The following SLC24A4 variants were observed in gnomAD, a reference collection of about 807,000 sequenced individuals.
SLC24A4 encodes sodium/potassium/calcium exchanger 4.
In SLC24A4, 53 loss-of-function variants were observed where a neutral mutation model predicts 79.0. The observed-to-expected ratio is 0.67, with a 90% confidence interval of 0.54 to 0.84. SLC24A4 has a LOEUF of 0.84. Among genes scored for constraint, SLC24A4 ranks in the 40% least tolerant of loss-of-function variants. SLC24A4 has a pLI of 0.00. For missense variants in SLC24A4, 731 were observed against 822.0 expected (o/e 0.89, Z 1.35); for synonymous variants, 323 against 323.8 (o/e 1.00, Z 0.03).
At chr14:92,426,961 G>C (rs1566758372) in intron 2 of SLC24A4, among the ~76,000 whole-genome samples, 1 of 152,236 alleles carries the variant, frequency 6.6e-6, no homozygotes, top group Non-Finnish European at 1.5e-5. Context: ...AGAAAGCAAA[G>C]AGAGAGTGGC....
At chr14:92,492,426 G>A (rs369576199) in intron 16 of SLC24A4, among the ~76,000 whole-genome samples, 186 bp downstream of exon 16, 101 of 152,300 alleles carry the variant, frequency 6.6e-4, no homozygotes, top group African/African-American at 2.2e-3. Context: ...TGGCACTCTC[G>A]CTGTGCTTTT....
chr14:92,376,153 T>G (rs979474516), intron 2 of SLC24A4, among the ~76,000 whole-genome samples: 1 of 152,230 alleles, frequency 6.6e-6, no homozygotes, highest in Non-Finnish European at 1.5e-5. Flanking sequence ...AGTGGCAGAA[T>G]GAGCTCTGGA....
chr14:92,373,110 C>A (rs1888292459), intron 2 of SLC24A4, among the ~76,000 whole-genome samples: 1 of 151,408 alleles, frequency 6.6e-6, no homozygotes, highest in South Asian at 2.1e-4. Flanking sequence ...CAAGCAATTC[C>A]TGCCTCAGCC....
At position 92,485,415 on chromosome 14, in the gene SLC24A4, T is replaced by C. The variant is rs1289736915; in HGVS notation, c.1423-1251T>C. 2.0e-5 allele frequency among the ~76,000 whole-genome samples: 3 copies of C among 151,736 alleles called. No homozygotes were observed. The East Asian group carries it at 5.8e-4, about 29-fold the overall frequency. ...GAGAGGTTGAGGCCACAGTGAGCCA[T>C]GGTCAATCCACTGCACTCCAGCCTG... On this transcript the variant is annotated intron_variant, in intron 13 of 16. Transcript: ENST00000532405.
intron 14 of SLC24A4, among the ~76,000 whole-genome samples, chr14:92,491,307 C>T (rs1003772650): frequency 6.6e-6 from 1 of 152,166 alleles, no homozygotes; most frequent in Non-Finnish European, 1.5e-5. Flanking sequence ...TGAACACTGG[C>T]ATGAGTTTAT....
At chr14:92,436,116 GGGATGGGGAGGCCTCA>G in intron 3 of SLC24A4, among the ~76,000 whole-genome samples, 1 of 152,184 alleles carries the variant, frequency 6.6e-6, no homozygotes, top group Admixed American at 6.5e-5. Flanking sequence ...CTCATGGATG[GGGATGGGGAGGCCTCA>G]GGAAATTTAC....
chr14:92,482,264 C>T (rs976468183), intron 12 of SLC24A4, among the ~76,000 whole-genome samples: 2 of 152,232 alleles, frequency 1.3e-5, no homozygotes, highest in Non-Finnish European at 1.5e-5. Context: ...TATTGCTGCC[C>T]TGTTGTTGTT....
chr14:92,476,119 G>A (rs528745764), intron 12 of SLC24A4, among the ~76,000 whole-genome samples: 5 of 152,262 alleles, frequency 3.3e-5, no homozygotes, highest in Admixed American at 6.5e-5. Context: ...CTACTGTGGC[G>A]TTTGTATATA....
chr14:92,434,109 G>A (rs548557103), intron 3 of SLC24A4, 121 bp downstream of exon 3: 18 of 779,458 alleles, frequency 2.3e-5, no homozygotes, highest in East Asian at 5.1e-5. Context: ...TGAGGAGAGC[G>A]GAGACTGGGC....
At chr14:92,403,606 TAA>T (rs78331584) in intron 2 of SLC24A4, among the ~76,000 whole-genome samples, 76 of 109,966 alleles carry the variant, frequency 6.9e-4, no homozygotes, top group Middle Eastern at 6.8e-3. Flanking sequence ...AGACTCCATC[TAA>T]AAAAAAAAAA....
chr14:92,450,171 G>T (rs983295284), intron 10 of SLC24A4: 1 of 152,332 alleles, frequency 6.6e-6, no homozygotes, highest in Non-Finnish European at 1.5e-5. Context: ...ATGGCCTGGG[G>T]CTAATCACCT....
At position 92,456,541 on chromosome 14, in the gene SLC24A4, G is replaced by T. The variant is rs754076513; in HGVS notation, c.1188G>T (p.Pro396=). The change falls in exon 12 of 17, where the codon CCG becomes CCT. Residue 396 remains proline (P), a synonymous_variant. Coordinates refer to ENST00000532405, the MANE Select transcript of SLC24A4 (RefSeq NM_153646.4). ...DPQQNQEQQP[P]PQPPPPEPEP... ...AGCAGAATCAGGAGCAGCAGCCGCC[G>T]CCACAGCCACCACCGCCAGAGCCAG... 1.9e-6 allele frequency: 3 copies of T among 1,613,892 alleles called. No homozygotes were observed. Among genetic ancestry groups the T allele is most frequent in the Non-Finnish European group, 8.5e-7 (1 of 1,179,950 alleles).
At chr14:92,388,147 C>T (rs1460099064) in intron 2 of SLC24A4, among the ~76,000 whole-genome samples, 2 of 152,212 alleles carry the variant, frequency 1.3e-5, no homozygotes, top group Non-Finnish European at 2.9e-5. Context: ...TGAAACACAG[C>T]GTACCCCTTT....
At chr14:92,385,148 T>G (rs945946741) in intron 2 of SLC24A4, among the ~76,000 whole-genome samples, 1 of 152,266 alleles carries the variant, frequency 6.6e-6, no homozygotes, top group Admixed American at 6.5e-5. Flanking sequence ...GGATCTCGCC[T>G]TAACTCTTAG....
chr14:92,381,465 C>A (rs887565452), intron 2 of SLC24A4, among the ~76,000 whole-genome samples: 6 of 152,066 alleles, frequency 3.9e-5, no homozygotes, highest in Admixed American at 6.6e-5. Context: ...AGCATTAGGA[C>A]AAATACCTAA....
At chr14:92,493,041 G>A in intron 16 of SLC24A4, 1 of 383,146 alleles carries the variant, frequency 2.6e-6, no homozygotes, top group Non-Finnish European at 5.1e-6. Context: ...CCCAGCCAGG[G>A]GTCCATAGGA....
chr14:92,426,763 G>C (rs907338774), intron 2 of SLC24A4, among the ~76,000 whole-genome samples: 4 of 151,946 alleles, frequency 2.6e-5, no homozygotes, highest in South Asian at 2.1e-4. Context: ...TTGGTGGGGC[G>C]GGGGGGAATG....
At chr14:92,372,904 CCTTCCTTCCTTCCTTT>C (rs1313277550) in intron 2 of SLC24A4, among the ~76,000 whole-genome samples, 2 of 118,052 alleles carry the variant, frequency 1.7e-5, no homozygotes, top group South Asian at 7.2e-4. Flanking sequence ...TTCCTTCCTT[CCTTCCTTCCTTCCTTT>C]CTTTCTCTTT....
In SLC24A4 at chr14:92,353,250, A is replaced by C. The variant is rs1595153312; in HGVS notation, c.241+27272A>C. Among the ~76,000 whole-genome samples, 1 of 152,242 alleles carries C rather than the reference A, an allele frequency of 6.6e-6. No individual in the cohort carries two copies. Among genetic ancestry groups the C allele is most frequent in the Non-Finnish European group, 1.5e-5 (1 of 68,046 alleles). On this transcript the variant is annotated intron_variant, in intron 2 of 16. Coordinates refer to ENST00000532405, the MANE Select transcript of SLC24A4 (RefSeq NM_153646.4). This position sits in a 1 kb window ranked among gnomAD's most constrained non-coding sequence, Gnocchi z 4.1. ...TTTGCTCAATATTGAAGGCTAACCC[A>C]AGTCATTAATAATTAAATGTTTCTT...
Sources: gnomAD v4.1 joint callset for allele counts (sites outside exome capture counted in the v4.1 genomes callset) on GRCh38, gnomAD v4.1.1 for gene constraint, Gnocchi (gnomAD v3.1) non-coding constraint, MANE v1.5 for transcripts, NCBI Gene and HGNC (gene_info 2026-07-23, HGNC 2026-07-21) for gene names.